The following CABCOCO1 variants were observed in gnomAD, a reference collection of about 807,000 sequenced individuals.
CABCOCO1 encodes ciliary-associated calcium-binding coiled-coil protein 1.
In CABCOCO1, 28 loss-of-function variants were observed where a neutral mutation model predicts 35.7. The ratio of observed to expected loss-of-function variants is 0.78; its 90% CI spans 0.58 to 1.07. The LOEUF (loss-of-function observed/expected upper bound fraction) is 1.07, where lower values mean the gene tolerates loss of function less well. CABCOCO1 is among the 50% of genes least tolerant of loss of function. The pLI is 0.00. For missense variants in CABCOCO1, 326 were observed against 309.2 expected (o/e 1.05, Z -0.41); for synonymous variants, 95 against 100.1 (o/e 0.95, Z 0.30).
intron 5 of CABCOCO1, among the ~76,000 whole-genome samples, chr10:61,725,471 A>C (rs972842168): frequency 1.3e-5 from 2 of 152,192 alleles, no homozygotes; most frequent in African/African-American, 4.8e-5. Flanking sequence ...TACATGGATG[A>C]AGCTAGAAAC....
At chr10:61,736,417 T>C (rs1841417296) in intron 5 of CABCOCO1, among the ~76,000 whole-genome samples, 1 of 152,186 alleles carries the variant, frequency 6.6e-6, no homozygotes, top group Non-Finnish European at 1.5e-5. Context: ...TCATTGCTTG[T>C]TTTTATCAGC....
At chr10:61,730,868 C>CA (rs1841286954) in intron 5 of CABCOCO1, among the ~76,000 whole-genome samples, 1 of 151,580 alleles carries the variant, frequency 6.6e-6, no homozygotes, top group Non-Finnish European at 1.5e-5. Context: ...CAGACAGCCC[C>CA]AAAGAGGGAG....
chr10:61,764,851 C>A (rs2132099970), intron 7 of CABCOCO1, among the ~76,000 whole-genome samples: 1 of 152,188 alleles, frequency 6.6e-6, no homozygotes, highest in South Asian at 2.1e-4. Flanking sequence ...CCAGAAATAT[C>A]AAATCTTACT....
chr10:61,677,068 A>AAAT (rs60978110), intron 2 of CABCOCO1, among the ~76,000 whole-genome samples: 29,709 of 144,226 alleles, frequency 0.21, 3,431 homozygotes, highest in East Asian at 0.56. Context: ...CTGTCTCAAA[A>AAAT]AATAATAATA....
At chr10:61,711,287 T>C (rs1190030614) in intron 5 of CABCOCO1, among the ~76,000 whole-genome samples, 4 of 151,906 alleles carry the variant, frequency 2.6e-5, no homozygotes, top group Non-Finnish European at 4.4e-5. Context: ...GTGGGGAAAT[T>C]ATGGAAAATA....
At chr10:61,718,975 A>T (rs1840933913) in intron 5 of CABCOCO1, among the ~76,000 whole-genome samples, 1 of 152,212 alleles carries the variant, frequency 6.6e-6, no homozygotes, top group South Asian at 2.1e-4. Flanking sequence ...AGCTTTCATC[A>T]ATTACTTTTC....
intron 5 of CABCOCO1, among the ~76,000 whole-genome samples, chr10:61,757,953 G>C (rs933132756): frequency 2.6e-5 from 4 of 152,044 alleles, no homozygotes; most frequent in Non-Finnish European, 5.9e-5. Flanking sequence ...CTTCCACAGG[G>C]GGTGAGGGCA....
chr10:61,683,589 G>C (rs1437808319), intron 3 of CABCOCO1, among the ~76,000 whole-genome samples: 1 of 151,944 alleles, frequency 6.6e-6, no homozygotes, highest in Non-Finnish European at 1.5e-5. Flanking sequence ...AAGAGACTCA[G>C]GTCACCTAAC....
At chr10:61,696,623 A>G (rs1025860260) in intron 5 of CABCOCO1, among the ~76,000 whole-genome samples, 12 of 151,928 alleles carry the variant, frequency 7.9e-5, no homozygotes, top group African/African-American at 2.9e-4. Context: ...TCAGCCTCCC[A>G]TGTAGCTGGG....
intron 5 of CABCOCO1, among the ~76,000 whole-genome samples, chr10:61,700,786 A>T (rs1294175295): frequency 6.6e-6 from 1 of 152,022 alleles, no homozygotes; most frequent in Non-Finnish European, 1.5e-5. Context: ...GCCTCTATAT[A>T]ATTCTATCAT....
chr10:61,715,917 A>T (rs1840853602), intron 5 of CABCOCO1, among the ~76,000 whole-genome samples: 1 of 152,024 alleles, frequency 6.6e-6, no homozygotes, highest in African/African-American at 2.4e-5. Context: ...TGGGTAACTC[A>T]ACCTTTCTCT....
intron 5 of CABCOCO1, among the ~76,000 whole-genome samples, chr10:61,717,256 A>G (rs1840889968): frequency 6.6e-6 from 1 of 152,168 alleles, no homozygotes; most frequent in Non-Finnish European, 1.5e-5. Context: ...AAGAACATAC[A>G]CAGGAAAGAA....
At chr10:61,761,038 T>G in intron 7 of CABCOCO1, 35 bp downstream of exon 7, 1 of 1,603,826 alleles carries the variant, frequency 6.2e-7, no homozygotes, top group Non-Finnish European at 8.5e-7. Context: ...ACTTACTTTA[T>G]TACTGGTTAA....
intron 2 of CABCOCO1, among the ~76,000 whole-genome samples, chr10:61,675,638 A>C (rs1016602552): frequency 3.3e-5 from 5 of 152,328 alleles, no homozygotes; most frequent in Middle Eastern, 3.4e-3. Flanking sequence ...TGATGAGTAC[A>C]ATTAGAAGGA....
chr10:61,752,590 G>T (rs1302967156), intron 5 of CABCOCO1, among the ~76,000 whole-genome samples: 1 of 152,096 alleles, frequency 6.6e-6, no homozygotes, highest in Non-Finnish European at 1.5e-5. Flanking sequence ...CATTTTCGTG[G>T]TCTCTTATTT....
intron 5 of CABCOCO1, chr10:61,701,913 T>C (rs1272045122): frequency 1.5e-6 from 1 of 657,894 alleles, no homozygotes; most frequent in Admixed American, 6.3e-5. Context: ...AACTCCCAGA[T>C]GGCAAACCAA....
intron 7 of CABCOCO1, among the ~76,000 whole-genome samples, chr10:61,762,481 T>C (rs1842027796): frequency 6.6e-6 from 1 of 152,058 alleles, no homozygotes; most frequent in Non-Finnish European, 1.5e-5. Flanking sequence ...AACCGCTAGG[T>C]GCCACAATCA....
chr10:61,699,734 T>G (rs894446781), intron 5 of CABCOCO1, among the ~76,000 whole-genome samples: 2 of 152,102 alleles, frequency 1.3e-5, no homozygotes, highest in Non-Finnish European at 2.9e-5. Flanking sequence ...TCCCCAACAT[T>G]AAATGTCTTG....
rs117061599 is a variant in CABCOCO1 at position 61,765,542 on chromosome 10, C to T, written c.817-397C>T. On this transcript the variant is annotated intron_variant, in intron 7 of 7. Coordinates refer to ENST00000648843, the MANE Select transcript of CABCOCO1 (RefSeq NM_001366906.2). The stretch of plus-strand genomic sequence containing the variant: ...GGGATCTCATTTAGAATGTATTACA[C>T]GGGAGACACAGACATCCATTGCAGA... Among the ~76,000 whole-genome samples, 315 of 152,274 alleles carry T rather than the reference C, an allele frequency of 2.1e-3. 4 individuals carry two copies. Among genetic ancestry groups the T allele is most frequent in the Non-Finnish European group, 3.1e-3 (214 of 68,020 alleles).
Sources: allele counts gnomAD v4.1 joint callset (sites outside exome capture counted in the v4.1 genomes callset), GRCh38; gene constraint gnomAD v4.1.1; transcripts MANE v1.5; gene names NCBI Gene and HGNC (gene_info 2026-07-23, HGNC 2026-07-21).